Variants in AXDND1 observed in about 807,000 individuals in gnomAD.
The protein encoded by AXDND1 is axonemal dynein light chain domain-containing protein 1.
AXDND1 carries 110 observed loss-of-function variants against 137.5 expected under a neutral mutation model. The observed-to-expected ratio is 0.80, with a 90% confidence interval of 0.69 to 0.94. The LOEUF (loss-of-function observed/expected upper bound fraction) is 0.94. Ranked by LOEUF, AXDND1 falls within the 40% of genes least tolerant of loss-of-function variation. The probability of loss-of-function intolerance (pLI) is 0.00; values close to 1 mark genes in which losing one functional copy is unlikely to be tolerated. For missense variants in AXDND1, 1,191 were observed against 1,169.8 expected, an observed-to-expected ratio of 1.02 and a Z score of -0.26; for synonymous variants, 414 against 399.7, an observed-to-expected ratio of 1.04 and a Z score of -0.43.
rs1453701655 is a variant in AXDND1 at position 179,488,147 on chromosome 1, A to G, written c.2092-3391A>G. Among the ~76,000 whole-genome samples the G allele has an allele frequency of 4.1e-5, 6 of 147,946 alleles. No individual in the cohort carries two copies. In the East Asian group the frequency reaches 1.2e-3, roughly 29 times the overall value. On this transcript the variant is annotated intron_variant, in intron 18 of 25. Transcript: ENST00000367618. ...AAACATTAGACAGTGTAGCATTCCT[A>G]TATTTTAACAAAGTGTTCCCAGCCA...
intron 25 of AXDND1, chr1:179,543,920 G>A (rs190951410): frequency 1.3e-3 from 205 of 152,744 alleles, no homozygotes; most frequent in African/African-American, 4.4e-3. Flanking sequence ...TATTCTAGCT[G>A]TTTTTGTCTT....
At chr1:179,521,702 T>C (rs1224060655) in intron 21 of AXDND1, among the ~76,000 whole-genome samples, 3 of 151,970 alleles carry the variant, frequency 2.0e-5, no homozygotes, top group African/African-American at 7.2e-5. Flanking sequence ...GATATCCTGG[T>C]GGCAAACTCA....
intron 12 of AXDND1, among the ~76,000 whole-genome samples, chr1:179,424,585 G>T (rs1457339560): frequency 6.6e-6 from 1 of 151,768 alleles, no homozygotes; most frequent in Non-Finnish European, 1.5e-5. Flanking sequence ...GTGCCACCAG[G>T]CCTGGCTAAT....
intron 9 of AXDND1, among the ~76,000 whole-genome samples, chr1:179,388,176 A>G (rs557175695): frequency 6.6e-6 from 1 of 152,268 alleles, no homozygotes; most frequent in African/African-American, 2.4e-5. Flanking sequence ...TCATTGCCTG[A>G]TATCCAGTGT....
chr1:179,389,434 G>A (rs539303799), intron 9 of AXDND1, among the ~76,000 whole-genome samples: 1 of 152,104 alleles, frequency 6.6e-6, no homozygotes, highest in African/African-American at 2.4e-5. Flanking sequence ...TTGGCCATGG[G>A]ATCCTCAGGG....
chr1:179,483,369 A>C, intron 18 of AXDND1, 148 bp downstream of exon 18: 1 of 507,698 alleles, frequency 2.0e-6, no homozygotes, highest in Non-Finnish European at 3.4e-6. Context: ...AATAATTTTC[A>C]ATGGATTTTT....
chr1:179,551,568 A>G, intron 25 of AXDND1: 5 of 1,172,172 alleles, frequency 4.3e-6, no homozygotes, highest in Non-Finnish European at 5.0e-6. Flanking sequence ...AAGCACGGTT[A>G]AGCATAGAAC....
intron 20 of AXDND1, among the ~76,000 whole-genome samples, chr1:179,504,440 G>A (rs1345664665): frequency 6.6e-6 from 1 of 152,194 alleles, no homozygotes; most frequent in Admixed American, 6.5e-5. Flanking sequence ...TTACCTAAAA[G>A]TGGGTAGAGC....
intron 17 of AXDND1, among the ~76,000 whole-genome samples, chr1:179,476,640 AT>A (rs898751702): frequency 6.6e-6 from 1 of 151,592 alleles, no homozygotes; most frequent in African/African-American, 2.4e-5. Context: ...CTTGGTTGAC[AT>A]TTTTTTCTTC....
intron 12 of AXDND1, among the ~76,000 whole-genome samples, chr1:179,419,178 G>A (rs1245181553): frequency 1.1e-4 from 16 of 151,156 alleles, no homozygotes; most frequent in Non-Finnish European, 2.4e-4. Flanking sequence ...GACGATGGGC[G>A]GCCAGGCAGA....
rs768932711 is a variant in AXDND1 at position 179,551,219 on chromosome 1, G to T, written c.3032-3293G>T. On this transcript the variant is annotated intron_variant, in intron 25 of 25. Transcript: ENST00000367618. ...CTTTTTAGGATTTAGTGGCTCAACA[G>T]GTTTGGAAGGACTTGGGAAGGGGAG... 5 of 1,614,134 alleles carry T rather than the reference G, an allele frequency of 3.1e-6. No homozygotes were observed. In the South Asian group the frequency reaches 3.3e-5, roughly 11 times the overall value.
intron 21 of AXDND1, among the ~76,000 whole-genome samples, chr1:179,514,497 T>C (rs1669340979): frequency 6.6e-6 from 1 of 152,162 alleles, no homozygotes; most frequent in South Asian, 2.1e-4. Flanking sequence ...ATGGTCTATC[T>C]TGGAGAAGGT....
chr1:179,493,532 T>C (rs72704431), intron 20 of AXDND1, among the ~76,000 whole-genome samples: 14,161 of 152,240 alleles, frequency 0.093, 921 homozygotes, highest in African/African-American at 0.18. Context: ...ATGGAATGGC[T>C]GAGTCACATG....
At chr1:179,468,774 C>A (rs1663553088) in intron 17 of AXDND1, 133 bp downstream of exon 17, 2 of 619,788 alleles carry the variant, frequency 3.2e-6, no homozygotes, top group African/African-American at 1.9e-5. Flanking sequence ...TATAAGTAAC[C>A]ATTACCGGTC....
intron 25 of AXDND1, among the ~76,000 whole-genome samples, chr1:179,540,314 T>G (rs1222298152): frequency 6.6e-6 from 1 of 152,214 alleles, no homozygotes; most frequent in East Asian, 1.9e-4. Flanking sequence ...TGCTGGTTTC[T>G]CCCCATCTTT....
intron 25 of AXDND1, chr1:179,550,896 A>G: frequency 2.1e-6 from 1 of 473,368 alleles, no homozygotes; most frequent in East Asian, 4.2e-5. Flanking sequence ...ATTTAACCAC[A>G]TCTAGACTCA....
At chr1:179,471,916 A>C (rs568478772) in intron 17 of AXDND1, among the ~76,000 whole-genome samples, 63 of 149,310 alleles carry the variant, frequency 4.2e-4, no homozygotes, top group African/African-American at 8.7e-4. Flanking sequence ...TTTTTTTGAG[A>C]TGGAGTCTCG....
chr1:179,468,932 AT>A (rs34177524), intron 17 of AXDND1, among the ~76,000 whole-genome samples: 25,278 of 145,630 alleles, frequency 0.17, 2,372 homozygotes, highest in East Asian at 0.35. Flanking sequence ...GTTATGAACA[AT>A]TTTTTTTTTT....
chr1:179,509,499 T>A (rs908387556), intron 21 of AXDND1, 96 bp downstream of exon 21: 10 of 784,598 alleles, frequency 1.3e-5, no homozygotes, highest in African/African-American at 1.8e-5. Context: ...TTCTGAATCC[T>A]TGTTCATTTA....
Sources: gnomAD v4.1 joint callset for allele counts (sites outside exome capture counted in the v4.1 genomes callset) on GRCh38, gnomAD v4.1.1 for gene constraint, MANE v1.5 for transcripts, NCBI Gene and HGNC (gene_info 2026-07-23, HGNC 2026-07-21) for gene names.